The following DTL variants were observed in gnomAD, a reference collection of about 807,000 sequenced individuals.
The protein encoded by DTL is denticleless protein homolog.
A neutral mutation model predicts 87.0 loss-of-function variants in DTL; 46 were observed. That is an observed-to-expected ratio of 0.53 (90% CI 0.42 to 0.68). The LOEUF is 0.68. Ranked by LOEUF, DTL falls within the 30% of genes least tolerant of loss-of-function variation. DTL has a pLI of 0.00. For missense variants in DTL, 737 were observed against 869.4 expected (o/e 0.85, Z 1.91); for synonymous variants, 308 against 311.2 (o/e 0.99, Z 0.11).
At chr1:212,054,407 C>CAA (rs79544521) in intron 5 of DTL, among the ~76,000 whole-genome samples, 2,491 of 136,252 alleles carry the variant, frequency 0.018, 22 homozygotes, top group Non-Finnish European at 0.021. Flanking sequence ...ACCACACACA[C>CAA]AAAAAAAAAA....
At chr1:212,053,647 G>A (rs975989834) in intron 5 of DTL, among the ~76,000 whole-genome samples, 1 of 152,030 alleles carries the variant, frequency 6.6e-6, no homozygotes, top group Non-Finnish European at 1.5e-5. Flanking sequence ...GAGTGCAGTG[G>A]CGAAATCTGC....
intron 1 of DTL, among the ~76,000 whole-genome samples, chr1:212,042,752 T>A (rs1308919243): frequency 6.6e-6 from 1 of 152,098 alleles, no homozygotes; most frequent in Non-Finnish European, 1.5e-5. Context: ...CTAGTGAGAG[T>A]CTCCATTTTA....
At chr1:212,102,732 A>G in intron 14 of DTL, 110 bp from the exon 15 acceptor site, 1 of 695,594 alleles carries the variant, frequency 1.4e-6, no homozygotes, top group Non-Finnish European at 2.5e-6. Flanking sequence ...AGCTGAAAGC[A>G]GGCTAAACAA....
At chr1:212,086,883 G>A (rs1014428677) in intron 13 of DTL, among the ~76,000 whole-genome samples, 5 of 152,124 alleles carry the variant, frequency 3.3e-5, no homozygotes, top group African/African-American at 1.2e-4. Context: ...TGGAATTCTT[G>A]TGTTAATGAC....
chr1:212,052,692 C>T (rs1668027793), intron 5 of DTL, among the ~76,000 whole-genome samples: 1 of 147,850 alleles, frequency 6.8e-6, no homozygotes, highest in East Asian at 2.0e-4. Context: ...TATTCATATT[C>T]TCTCTCCTCC....
chr1:212,079,232 T>C (rs1032136313), intron 12 of DTL, among the ~76,000 whole-genome samples: 4 of 152,142 alleles, frequency 2.6e-5, no homozygotes, highest in Non-Finnish European at 5.9e-5. Context: ...TTCCATGTAA[T>C]TTCTTTTAAC....
At chr1:212,040,506 A>G (rs1235937018) in intron 1 of DTL, among the ~76,000 whole-genome samples, 1 of 152,246 alleles carries the variant, frequency 6.6e-6, no homozygotes, top group South Asian at 2.1e-4. Flanking sequence ...TTCTGTAATA[A>G]AAGTTATGTG....
intron 11 of DTL, among the ~76,000 whole-genome samples, chr1:212,077,324 A>G (rs1654860207): frequency 6.6e-6 from 1 of 152,178 alleles, no homozygotes; most frequent in African/African-American, 2.4e-5. Flanking sequence ...TCAAATGTAC[A>G]TAACTGGTGG....
chr1:212,054,908 T>A (rs1291961938), intron 5 of DTL, among the ~76,000 whole-genome samples: 1 of 149,472 alleles, frequency 6.7e-6, no homozygotes, highest in African/African-American at 2.5e-5. Flanking sequence ...AGGGGAAAAA[T>A]GAACCCGAGT....
chr1:212,071,346 C>T (rs904646370), intron 10 of DTL, among the ~76,000 whole-genome samples: 3 of 152,162 alleles, frequency 2.0e-5, no homozygotes, highest in Non-Finnish European at 2.9e-5. Context: ...ATGTCAGAGG[C>T]CTCAGGTTTT....
Position 212,080,710 on chromosome 1 carries a change from T to C in DTL, c.1221T>C (p.Gly407=), listed in dbSNP as rs748207125. ...KPGGDKLSTV[G]WASQKKKESR... is the part of the protein sequence containing the mutation. ...GAGGTGATAAACTTTCCACGGTGGG[T>C]TGGGCCTCTCAGAAGAAAAAAGAGT... The change falls in exon 13 of 15, where the codon GGT becomes GGC. Residue 407 remains glycine (G), a synonymous_variant. Transcript: ENST00000366991. 3.7e-6 allele frequency: 6 copies of C among 1,613,514 alleles called. No homozygotes were observed. The Admixed American group carries it at 1.0e-4, about 27-fold the overall frequency.
chr1:212,051,364 T>A (rs1667967013), intron 5 of DTL, among the ~76,000 whole-genome samples: 1 of 150,510 alleles, frequency 6.6e-6, no homozygotes, highest in Non-Finnish European at 1.5e-5. Context: ...GGTAATAATT[T>A]ACCTTAGTTT....
intron 5 of DTL, among the ~76,000 whole-genome samples, chr1:212,056,389 A>G (rs1470412941): frequency 1.3e-5 from 2 of 152,094 alleles, no homozygotes; most frequent in Non-Finnish European, 2.9e-5. Flanking sequence ...GATACCAATG[A>G]CTCTATGGCC....
intron 13 of DTL, among the ~76,000 whole-genome samples, chr1:212,093,038 C>CT (rs565427683): frequency 2.6e-4 from 39 of 152,056 alleles, no homozygotes; most frequent in East Asian, 2.3e-3. Context: ...CTGTGTATAT[C>CT]TTTTTTTTGA....
intron 13 of DTL, among the ~76,000 whole-genome samples, chr1:212,090,802 T>C (rs1392665292): frequency 1.3e-5 from 2 of 152,232 alleles, no homozygotes; most frequent in African/African-American, 4.8e-5. Context: ...TAACAAATAA[T>C]TGATTGAATG....
intron 5 of DTL, among the ~76,000 whole-genome samples, chr1:212,057,980 C>T (rs1490157063): frequency 2.6e-5 from 4 of 152,028 alleles, no homozygotes; most frequent in Admixed American, 6.6e-5. Context: ...TAAGAAGAAA[C>T]GAAGGTTATT....
Position 212,043,024 on chromosome 1 carries a change from T to A in DTL, c.84T>A (p.Leu28=), listed in dbSNP as rs1457709040. 2.5e-6 allele frequency: 4 copies of A among 1,612,798 alleles called. No individual in the cohort carries two copies. Among genetic ancestry groups the A allele is most frequent in the Non-Finnish European group, 3.4e-6 (4 of 1,179,398 alleles). The stretch of plus-strand genomic sequence containing the variant: ...CTTCACAATACCCTCTTCAATCCCT[T>A]CTGACTGGTTATCAGTGCAGTGGTA... The part of the protein sequence containing the change: ...GWSSQYPLQS[L]LTGYQCSGND... Residue 28 remains leucine, a synonymous_variant, in exon 2 of 15, where the codon CTT becomes CTA. Coordinates refer to ENST00000366991, the MANE Select transcript of DTL (RefSeq NM_016448.4).
At chr1:212,062,243 C>T (rs777884147) in intron 5 of DTL, among the ~76,000 whole-genome samples, 61 of 152,182 alleles carry the variant, frequency 4.0e-4, no homozygotes, top group Non-Finnish European at 7.2e-4. Flanking sequence ...TTTAAGTGCT[C>T]ACTCTTTCAC....
intron 13 of DTL, among the ~76,000 whole-genome samples, chr1:212,081,787 A>G (rs1284606541): frequency 6.6e-6 from 1 of 152,206 alleles, no homozygotes; most frequent in Non-Finnish European, 1.5e-5. Context: ...GAAAAGATGG[A>G]GTGTCATTAA....
Sources: allele counts gnomAD v4.1 joint callset (sites outside exome capture counted in the v4.1 genomes callset), GRCh38; gene constraint gnomAD v4.1.1; transcripts MANE v1.5; gene names NCBI Gene and HGNC (gene_info 2026-07-23, HGNC 2026-07-21).